Variants in RMDN1 observed in about 807,000 individuals in gnomAD.
The protein encoded by RMDN1 is regulator of microtubule dynamics 1.
A neutral mutation model predicts 48.9 loss-of-function variants in RMDN1; 48 were observed. The ratio of observed to expected loss-of-function variants is 0.98; its 90% confidence interval spans 0.78 to 1.25. The LOEUF is 1.25. Ranked by LOEUF, RMDN1 falls within the 50% of genes most tolerant of loss-of-function variation. RMDN1 has a pLI of 0.00. For synonymous variants in RMDN1, 148 were observed against 132.6 expected, an observed-to-expected ratio of 1.12 and a Z score of -0.80; for missense variants, 418 against 373.4, an observed-to-expected ratio of 1.12 and a Z score of -0.98.
rs531056745 is a variant in RMDN1 at position 86,508,410 on chromosome 8, G to C, written c.129+82C>G. Reference sequence around the variant, plus strand: ...TTCACCACATTCCTTAGGCAGCGCGGGGCCGCCACCACTTAAGTTAAGGGG... The same window carrying C: ...TTCACCACATTCCTTAGGCAGCGCGCGGCCGCCACCACTTAAGTTAAGGGG... On this transcript the variant is annotated intron_variant, in intron 1 of 9. Transcript: ENST00000406452. 3 of 1,422,612 alleles carry C rather than the reference G, an allele frequency of 2.1e-6. No homozygotes were observed. In the African/African-American group the frequency reaches 4.4e-5, roughly 21 times the overall value. The allele number at this position is 1,422,612 out of a possible 1,614,324, so 88.1% of individuals were successfully genotyped here.
At chr8:86,512,208 T>C (rs1563678262), upstream of RMDN1, among the ~76,000 whole-genome samples, 1 of 152,228 alleles carries the variant, frequency 6.6e-6, no homozygotes, top group Non-Finnish European at 1.5e-5. Context: ...TCTTTCCCTA[T>C]TTTAGTGTAA....
At chr8:86,470,199 CAG>C, downstream of RMDN1, 1 of 1,289,076 alleles carries the variant, frequency 7.8e-7, no homozygotes, top group South Asian at 1.2e-5. Flanking sequence ...ACTTAGAACA[CAG>C]AGTACTACCA....
chr8:86,493,019 G>A lies in RMDN1; in HGVS notation c.248-4380C>T, dbSNP rs141380471. 9.9e-3 allele frequency among the ~76,000 whole-genome samples: 1,496 copies of A among 150,550 alleles called. 30 individuals are homozygous for A. The highest frequency in any genetic ancestry group is 0.035 in the African/African-American group (1,427 of 41,092). Reference sequence around the variant, plus strand: ...ATCAATTCCTTAAAAAAAAAAAACAGCAAATGGAAGAGATATAGGACAAAG... The same window carrying A: ...ATCAATTCCTTAAAAAAAAAAAACAACAAATGGAAGAGATATAGGACAAAG... On this transcript the variant is annotated intron_variant, in intron 2 of 9. Transcript: ENST00000406452.
At chr8:86,470,526 G>A, downstream of RMDN1, 1 of 824,722 alleles carries the variant, frequency 1.2e-6, no homozygotes, top group Non-Finnish European at 1.6e-6. Flanking sequence ...AAGATAAAAG[G>A]ACCCAGGAGC....
Position 86,477,285 on chromosome 8 carries a change from ATACCT to A in RMDN1, c.760+4_760+8del, listed in dbSNP as rs750355856. On this transcript the variant is annotated splice_donor_5th_base_variant and intron_variant, in intron 8 of 9. Coordinates refer to ENST00000406452, the MANE Select transcript of RMDN1 (RefSeq NM_016033.3). ...ACTATATTAATATGTGTAATCAAAA[ATACCT>A]TACCTTGTTCTGCCCTGTGAAAGTA... 20 of 1,593,570 alleles carry A rather than the reference ATACCT, an allele frequency of 1.3e-5. No homozygotes were observed. In the Admixed American group the frequency reaches 3.5e-4, roughly 28 times the overall value.
intron 5 of RMDN1, among the ~76,000 whole-genome samples, chr8:86,483,487 A>T (rs897423846): frequency 6.6e-6 from 1 of 152,096 alleles, no homozygotes; most frequent in Non-Finnish European, 1.5e-5. Context: ...ACTAAGAAAG[A>T]AAGTATCACT....
At chr8:86,477,264 T>C (rs1199470941) in intron 8 of RMDN1, 30 bp downstream of exon 8, 3 of 1,528,536 alleles carry the variant, frequency 2.0e-6, no homozygotes, top group Non-Finnish European at 2.7e-6. Flanking sequence ...ATTTTAACTA[T>C]ATTAATATGT....
intron 7 of RMDN1, chr8:86,477,587 AGAAAG>A (rs1280807916): frequency 9.3e-5 from 31 of 332,584 alleles, no homozygotes; most frequent in Non-Finnish European, 5.4e-6. Flanking sequence ...CATCATGTGC[AGAAAG>A]GAAAGAACAT....
chr8:86,502,220 A>C (rs1818363346), intron 2 of RMDN1, among the ~76,000 whole-genome samples: 1 of 152,150 alleles, frequency 6.6e-6, no homozygotes, highest in Admixed American at 6.5e-5. Context: ...AATTGGTTTA[A>C]CTAATTTTTT....
chr8:86,483,505 A>G (rs1487069484), intron 5 of RMDN1, among the ~76,000 whole-genome samples: 1 of 145,544 alleles, frequency 6.9e-6, no homozygotes, highest in Non-Finnish European at 1.6e-5. Context: ...ACTGCCAACT[A>G]CAATGTAAGG....
chr8:86,508,745 G>GCCTCCTGCACAGCACCTCTTCCT, upstream of RMDN1: 1 of 1,393,650 alleles, frequency 7.2e-7, no homozygotes, highest in South Asian at 1.6e-5. Context: ...CACCTCTTCC[G>GCCTCCTGCACAGCACCTCTTCCT]CCTCCTGCCC....
chr8:86,477,140 T>C (rs1813513342), intron 8 of RMDN1, among the ~76,000 whole-genome samples, 154 bp downstream of exon 8: 1 of 152,196 alleles, frequency 6.6e-6, no homozygotes, highest in Admixed American at 6.5e-5. Context: ...AGGTGATCTT[T>C]ACTGAATAAA....
At position 86,484,940 on chromosome 8, in the gene RMDN1, C is replaced by T. The variant is rs930542781; in HGVS notation, c.517G>A (p.Asp173Asn). The change falls in exon 5 of 10, where the codon GAT becomes AAT. Residue 173 changes from aspartate to asparagine, a missense_variant. Transcript: ENST00000406452. The part of the protein sequence containing the change: ...SHKWYAICLS[D>N]VGDYEGIKAK... ...TTGATGCCTTCATAATCTCCAACAT[C>T]ACTAAGGCAGATTGCATACCACTGA... 1 of 1,602,952 alleles carries T rather than the reference C, an allele frequency of 6.2e-7. No individual in the cohort carries two copies. The highest frequency in any genetic ancestry group is 1.3e-5 in the African/African-American group (1 of 74,682).
At chr8:86,511,110 G>GC, upstream of RMDN1, among the ~76,000 whole-genome samples, 1 of 152,104 alleles carries the variant, frequency 6.6e-6, no homozygotes, top group Non-Finnish European at 1.5e-5. Flanking sequence ...GTTGCAGGGA[G>GC]CGGTGATCAC....
At chr8:86,504,268 T>C in intron 2 of RMDN1, 1 of 1,573,082 alleles carries the variant, frequency 6.4e-7, no homozygotes. Flanking sequence ...CCTCCAGCAG[T>C]TGTGGGGCAC....
rs1480193909 is a variant in RMDN1 at position 86,473,162 on chromosome 8, TG to T, written c.*1145del. On this transcript the variant is annotated 3_prime_UTR_variant, in exon 10 of 10. Transcript: ENST00000406452. The stretch of plus-strand genomic sequence containing the variant: ...ACTACTTTCAGTTTTCCTTTTTGTT[TG>T]AAAATGTACATGACAAACATATCCA... 2.0e-6 allele frequency: 2 copies of T among 985,318 alleles called. No individual in the cohort carries two copies. The highest frequency in any genetic ancestry group is 3.5e-5 in the African/African-American group (2 of 57,244). The allele number at this position is 985,318 out of a possible 1,614,324, so 61.0% of individuals were successfully genotyped here. A position where few individuals can be genotyped will look rare whatever the true frequency, so the allele number is the denominator to read the frequency against.
At chr8:86,481,933 T>C (rs1814543785) in intron 5 of RMDN1, 1 of 803,138 alleles carries the variant, frequency 1.2e-6, no homozygotes, top group Non-Finnish European at 2.1e-6. Flanking sequence ...GTGGAAAGAT[T>C]CTCTAGTATT....
chr8:86,474,222 A>G lies in RMDN1; in HGVS notation c.*86T>C, dbSNP rs1812978724. On this transcript the variant is annotated 3_prime_UTR_variant, in exon 10 of 10. Transcript: ENST00000406452. Reference sequence around the variant, plus strand: ...GGTCACAACATTTAAAAAGCCGTAGAACAGTTATAGTTCATATATTAAGTT... The same window carrying G: ...GGTCACAACATTTAAAAAGCCGTAGGACAGTTATAGTTCATATATTAAGTT... 1.3e-6 allele frequency: 2 copies of G among 1,573,292 alleles called. No homozygotes were observed. Among genetic ancestry groups the G allele is most frequent in the Non-Finnish European group, 1.7e-6 (2 of 1,163,242 alleles).
downstream of RMDN1, among the ~76,000 whole-genome samples, chr8:86,471,271 G>C (rs1488525622): frequency 6.6e-6 from 1 of 150,548 alleles, no homozygotes; most frequent in Non-Finnish European, 1.5e-5. Context: ...AATGATACCT[G>C]ATCTCACAAA....
Sources: gnomAD v4.1 joint callset for allele counts (sites outside exome capture counted in the v4.1 genomes callset) on GRCh38, gnomAD v4.1.1 for gene constraint, MANE v1.5 for transcripts, NCBI Gene and HGNC (gene_info 2026-07-23, HGNC 2026-07-21) for gene names.